SPTBN1: variants seen among roughly 807,000 people sequenced by gnomAD.
SPTBN1 encodes spectrin beta chain, non-erythrocytic 1.
In SPTBN1, 32 loss-of-function variants were observed where a neutral mutation model predicts 266.4. The ratio of observed to expected loss-of-function variants is 0.12; its 90% confidence interval spans 0.09 to 0.16. The LOEUF (loss-of-function observed/expected upper bound fraction) is 0.16. SPTBN1 is among the 10% of genes least tolerant of loss of function. The pLI is 1.00. For synonymous variants in SPTBN1, 1,336 were observed against 1,162.2 expected, an observed-to-expected ratio of 1.15 and a Z score of -3.04; for missense variants, 2,296 against 3,067.1, an observed-to-expected ratio of 0.75 and a Z score of 5.94.
intron 3 of SPTBN1, among the ~76,000 whole-genome samples, chr2:54,602,604 C>T (rs1013163307): frequency 4.6e-5 from 7 of 152,168 alleles, no homozygotes; most frequent in Admixed American, 1.3e-4. Context: ...ACTCTGCCCT[C>T]CCCCAAACCC....
In SPTBN1 at chr2:54,664,518, A is replaced by G; in HGVS notation, c.6486A>G (p.Lys2162=). 5 of 1,614,180 alleles carry G rather than the reference A, an allele frequency of 3.1e-6. No individual in the cohort carries two copies. The highest frequency in any genetic ancestry group is 4.2e-6 in the Non-Finnish European group (5 of 1,180,028). The change falls in exon 33 of 36, where the codon AAA becomes AAG. Residue 2162 remains lysine, a synonymous_variant. Coordinates refer to ENST00000356805, the MANE Select transcript of SPTBN1 (RefSeq NM_003128.3). This position sits in a 1 kb window ranked among gnomAD's most constrained non-coding sequence, Gnocchi z 5.6. ...NGATEQRTSS[K]ESSPIPSPTS... ...CTACAGAACAAAGGACGAGCTCTAA[A>G]GAGTCCAGCCCCATCCCCTCCCCGA...
intron 4 of SPTBN1, among the ~76,000 whole-genome samples, chr2:54,615,000 A>G (rs755855940): frequency 2.0e-5 from 3 of 152,130 alleles, no homozygotes; most frequent in Non-Finnish European, 4.4e-5. Context: ...TTTCCTGGTG[A>G]GCCTGTCTCT....
At chr2:54,483,043 CG>C (rs1442611849) in intron 1 of SPTBN1, among the ~76,000 whole-genome samples, 2 of 152,136 alleles carry the variant, frequency 1.3e-5, no homozygotes, top group Admixed American at 6.5e-5. Flanking sequence ...CTGAGGAGGC[CG>C]GGCCAGGGAA....
In SPTBN1 at chr2:54,574,310, C is replaced by T. The variant is rs1048404227; in HGVS notation, c.149-24782C>T. Among the ~76,000 whole-genome samples the T allele has an allele frequency of 3.0e-4, 45 of 152,270 alleles. 1 individual carries two copies. The highest frequency in any genetic ancestry group is 6.8e-3 in the Middle Eastern group (2 of 294). On this transcript the variant is annotated intron_variant, in intron 2 of 35. Transcript: ENST00000356805. ...AGTGTGGCGGAGCCGGCCTTTGCAC[C>T]TGGCTGTTGACCACGCCCTAGCATT...
At chr2:54,570,702 T>A (rs927102553) in intron 2 of SPTBN1, among the ~76,000 whole-genome samples, 1 of 152,222 alleles carries the variant, frequency 6.6e-6, no homozygotes, top group African/African-American at 2.4e-5. Flanking sequence ...TGGTTACAGC[T>A]AAGATTGTAG....
chr2:54,569,975 C>G (rs891834929), intron 2 of SPTBN1, among the ~76,000 whole-genome samples: 2 of 147,904 alleles, frequency 1.4e-5, no homozygotes, highest in Non-Finnish European at 3.0e-5. Flanking sequence ...AACCATTCCC[C>G]CCCCCCTTTA....
At chr2:54,658,659 C>T (rs1042554974) in intron 30 of SPTBN1, among the ~76,000 whole-genome samples, 1 of 152,186 alleles carries the variant, frequency 6.6e-6, no homozygotes, top group African/African-American at 2.4e-5. Context: ...CTGGTACATC[C>T]ATATGACTCA....
At chr2:54,457,139 A>T (rs1237454996) in intron 1 of SPTBN1, 2 of 72,214 alleles carry the variant, frequency 2.8e-5, no homozygotes, top group Non-Finnish European at 5.2e-5. Context: ...TGCGCTTGCT[A>T]CCCTCGTGCG....
intron 2 of SPTBN1, among the ~76,000 whole-genome samples, chr2:54,542,556 C>T (rs1671999215): frequency 6.6e-6 from 1 of 152,202 alleles, no homozygotes; most frequent in Non-Finnish European, 1.5e-5. Context: ...CCAGGGGGCT[C>T]AAGGCCATTG....
intron 3 of SPTBN1, among the ~76,000 whole-genome samples, chr2:54,609,384 T>C (rs1295823393): frequency 6.6e-6 from 1 of 152,232 alleles, no homozygotes; most frequent in Non-Finnish European, 1.5e-5. Context: ...GGCTCTGTCA[T>C]AAATTCTGTG....
At chr2:54,494,371 A>C (rs951753558) in intron 1 of SPTBN1, among the ~76,000 whole-genome samples, 1 of 152,190 alleles carries the variant, frequency 6.6e-6, no homozygotes, top group African/African-American at 2.4e-5. Flanking sequence ...CAGACATTCA[A>C]TTCCGAGGTA....
At chr2:54,590,175 T>A (rs1180725287) in intron 2 of SPTBN1, among the ~76,000 whole-genome samples, 1 of 152,252 alleles carries the variant, frequency 6.6e-6, no homozygotes, top group Non-Finnish European at 1.5e-5. Context: ...GGACCCATTT[T>A]AGTCTGAATG....
At chr2:54,461,669 A>G (rs979471780) in intron 1 of SPTBN1, among the ~76,000 whole-genome samples, 1 of 152,150 alleles carries the variant, frequency 6.6e-6, no homozygotes, top group African/African-American at 2.4e-5. Context: ...TTTATTTACA[A>G]TTTCTCTGAT....
Position 54,456,857 on chromosome 2 carries a change from C to T in SPTBN1, c.-48+339C>T, listed in dbSNP as rs901690035. ...CGGCGCGGCGATTCCTCCTCCCTGC[C>T]TCCGCCGGCGCCTCCCTGCAGCCGG... On this transcript the variant is annotated intron_variant, in intron 1 of 35. Transcript: ENST00000356805. 2.8e-3 allele frequency among the ~76,000 whole-genome samples: 426 copies of T among 151,544 alleles called. 3 individuals carry two copies. Among genetic ancestry groups the T allele is most frequent in the African/African-American group, 9.6e-3 (398 of 41,480 alleles).
chr2:54,530,590 C>T (rs1671173613), intron 2 of SPTBN1, among the ~76,000 whole-genome samples: 1 of 152,122 alleles, frequency 6.6e-6, no homozygotes, highest in South Asian at 2.1e-4. Flanking sequence ...ATCTCCTGAC[C>T]TCATGATCTG....
chr2:54,553,457 C>G (rs890426973), intron 2 of SPTBN1, among the ~76,000 whole-genome samples: 6 of 152,216 alleles, frequency 3.9e-5, no homozygotes, highest in African/African-American at 1.4e-4. Flanking sequence ...GGAGCCGCTT[C>G]TCTATCTGGC....
At chr2:54,489,474 G>A (rs550451628) in intron 1 of SPTBN1, among the ~76,000 whole-genome samples, 108 of 152,328 alleles carry the variant, frequency 7.1e-4, no homozygotes, top group Middle Eastern at 3.4e-3. Flanking sequence ...GCTGAAGTGG[G>A]TGGATCACTT....
At chr2:54,619,485 A>G (rs1677852845) in intron 7 of SPTBN1, among the ~76,000 whole-genome samples, 2 of 152,174 alleles carry the variant, frequency 1.3e-5, no homozygotes, top group Non-Finnish European at 2.9e-5. Context: ...ACCGCCCAGT[A>G]TGAAAAGGGG....
At chr2:54,655,353 A>G (rs764685334) in intron 28 of SPTBN1, 145 bp downstream of exon 28, 9 of 1,174,866 alleles carry the variant, frequency 7.7e-6, no homozygotes, top group Non-Finnish European at 1.1e-5. Flanking sequence ...CTGTGCGTCT[A>G]GAATAATGCA....
Sources: gnomAD v4.1 joint callset for allele counts (sites outside exome capture counted in the v4.1 genomes callset) on GRCh38, gnomAD v4.1.1 for gene constraint, Gnocchi (gnomAD v3.1) non-coding constraint, MANE v1.5 for transcripts, NCBI Gene and HGNC (gene_info 2026-07-23, HGNC 2026-07-21) for gene names.